Variants in CAPSL observed in about 807,000 individuals in gnomAD.
The protein encoded by CAPSL is calcyphosine like.
CAPSL carries 17 observed loss-of-function variants against 21.3 expected under a neutral mutation model. The observed-to-expected ratio is 0.80, with a 90% CI of 0.55 to 1.20. The LOEUF (loss-of-function observed/expected upper bound fraction) is 1.20. Ranked by LOEUF, CAPSL falls within the 50% of genes most tolerant of loss-of-function variation. The probability of loss-of-function intolerance (pLI) is 0.00; values close to 1 mark genes in which losing one functional copy is unlikely to be tolerated. For synonymous variants in CAPSL, 102 were observed against 89.3 expected, an observed-to-expected ratio of 1.14 and a Z score of -0.80; for missense variants, 289 against 259.3, an observed-to-expected ratio of 1.11 and a Z score of -0.79.
intron 4 of CAPSL, among the ~76,000 whole-genome samples, chr5:35,907,879 C>A (rs1760714262): frequency 6.6e-6 from 1 of 152,180 alleles, no homozygotes; most frequent in Non-Finnish European, 1.5e-5. Context: ...AATTATTCTT[C>A]TCATAAAAGA....
At chr5:35,906,905 T>C (rs764005374) in intron 4 of CAPSL, among the ~76,000 whole-genome samples, 32 of 152,206 alleles carry the variant, frequency 2.1e-4, no homozygotes, top group Non-Finnish European at 3.8e-4. Flanking sequence ...AGAGCTAATG[T>C]ATTTGATCAT....
chr5:35,912,310 C>G lies in CAPSL; in HGVS notation c.138-1767G>C, dbSNP rs569063590. On this transcript the variant is annotated intron_variant, in intron 2 of 4. Coordinates refer to ENST00000651391, the MANE Select transcript of CAPSL (RefSeq NM_001042625.2). ...CAGGGCATAGCCAAACAAAAGGCAGCAGAAACCTCTGCAGATTTAAATGTC... is the reference window on the plus strand; with the variant it reads ...CAGGGCATAGCCAAACAAAAGGCAGGAGAAACCTCTGCAGATTTAAATGTC... Among the ~76,000 whole-genome samples the G allele has an allele frequency of 5.6e-4, 86 of 152,336 alleles. 1 individual carries two copies. The highest frequency in any genetic ancestry group is 3.4e-3 in the Middle Eastern group (1 of 294).
At chr5:35,923,815 TG>T (rs1421272659) in intron 1 of CAPSL, among the ~76,000 whole-genome samples, 2 of 152,220 alleles carry the variant, frequency 1.3e-5, no homozygotes, top group Non-Finnish European at 2.9e-5. Flanking sequence ...AAAAATGTTT[TG>T]GAACTTGACA....
At chr5:35,919,632 T>G (rs896589949) in intron 2 of CAPSL, among the ~76,000 whole-genome samples, 3 of 152,144 alleles carry the variant, frequency 2.0e-5, no homozygotes, top group African/African-American at 7.2e-5. Flanking sequence ...GGGGTGTGTA[T>G]GACCTGGGAT....
At chr5:35,927,102 T>A (rs1211697921) in intron 1 of CAPSL, among the ~76,000 whole-genome samples, 1 of 152,142 alleles carries the variant, frequency 6.6e-6, no homozygotes, top group African/African-American at 2.4e-5. Flanking sequence ...CTGGCAGGGA[T>A]GTGCAGTCGC....
intron 1 of CAPSL, among the ~76,000 whole-genome samples, chr5:35,938,040 CTGA>C (rs1738998193): frequency 2.0e-5 from 3 of 152,072 alleles, no homozygotes; most frequent in Admixed American, 6.5e-5. Context: ...AATAAGCATC[CTGA>C]TTTTTATTCT....
intron 2 of CAPSL, among the ~76,000 whole-genome samples, chr5:35,918,739 T>C (rs1482471762): frequency 6.6e-6 from 1 of 152,108 alleles, no homozygotes; most frequent in East Asian, 1.9e-4. Flanking sequence ...TGAAGTGACA[T>C]TATCAAAATA....
At position 35,909,915 on chromosome 5, in the gene CAPSL, A is replaced by G. The variant is rs1403894666; in HGVS notation, c.476T>C (p.Phe159Ser). The change falls in exon 4 of 5, where the codon TTT becomes TCT. Residue 159 changes from phenylalanine to serine, a missense_variant. Coordinates refer to ENST00000651391, the MANE Select transcript of CAPSL (RefSeq NM_001042625.2). ...ATCAAAGTTATCCAGAAATTTCCTAAATACTTGTTCCTCACTCCATTCCCC... is the reference window on the plus strand; with the variant it reads ...ATCAAAGTTATCCAGAAATTTCCTAGATACTTGTTCCTCACTCCATTCCCC... The part of the protein sequence containing the change: ...QNGEWSEEQV[F>S]RKFLDNFDSP... The G allele has an allele frequency of 6.2e-7, 1 of 1,613,754 alleles. No homozygotes were observed. Among genetic ancestry groups the G allele is most frequent in the Non-Finnish European group, 8.5e-7 (1 of 1,179,884 alleles).
intron 2 of CAPSL, among the ~76,000 whole-genome samples, chr5:35,917,824 A>G: frequency 6.6e-6 from 1 of 152,184 alleles, no homozygotes; most frequent in East Asian, 1.9e-4. Flanking sequence ...TATGTAACAA[A>G]CCTGCGCGTT....
intron 4 of CAPSL, among the ~76,000 whole-genome samples, chr5:35,907,985 C>A (rs1760716967): frequency 6.6e-6 from 1 of 152,332 alleles, no homozygotes; most frequent in South Asian, 2.1e-4. Flanking sequence ...TTTTCAGAAA[C>A]ACTTTTATTA....
intron 2 of CAPSL, 25 bp from the exon 3 acceptor site, chr5:35,910,568 C>T: frequency 3.3e-6 from 5 of 1,525,654 alleles, no homozygotes; most frequent in African/African-American, 1.4e-5. Context: ...CACAAAAATT[C>T]AGAAGAAATG....
chr5:35,928,765 C>T (rs1738747585), intron 1 of CAPSL, among the ~76,000 whole-genome samples: 1 of 152,038 alleles, frequency 6.6e-6, no homozygotes, highest in East Asian at 1.9e-4. Context: ...CAAGATGGCC[C>T]CTGGCAACAA....
intron 1 of CAPSL, among the ~76,000 whole-genome samples, chr5:35,926,547 T>A (rs998123844): frequency 1.3e-5 from 2 of 152,136 alleles, no homozygotes; most frequent in Non-Finnish European, 2.9e-5. Context: ...TCTTCATGGT[T>A]CCCTCCGTAA....
At chr5:35,906,541 T>C (rs989070594) in intron 4 of CAPSL, among the ~76,000 whole-genome samples, 3 of 152,170 alleles carry the variant, frequency 2.0e-5, no homozygotes, top group Non-Finnish European at 4.4e-5. Context: ...TAGGCAACCA[T>C]CTTGAGATCA....
intron 1 of CAPSL, among the ~76,000 whole-genome samples, chr5:35,938,152 T>G (rs188233030): frequency 7.4e-4 from 113 of 152,364 alleles, no homozygotes; most frequent in Non-Finnish European, 1.2e-3. Flanking sequence ...GCTTTGTGAC[T>G]TGGAAATGCT....
chr5:35,909,952 T>G lies in CAPSL; in HGVS notation c.439A>C (p.Lys147Gln), dbSNP rs1738168439. 1.2e-6 allele frequency: 2 copies of G among 1,613,820 alleles called. No individual in the cohort carries two copies. The highest frequency in any genetic ancestry group is 2.7e-5 in the African/African-American group (2 of 74,928). The change falls in exon 4 of 5, where the codon AAG becomes CAG. Residue 147 changes from lysine to glutamine, a missense_variant. Coordinates refer to ENST00000651391, the MANE Select transcript of CAPSL (RefSeq NM_001042625.2). ...REVYNAKHHPKYQNGEWSEEQ... is the reference protein window; with the variant it reads ...REVYNAKHHPQYQNGEWSEEQ... The stretch of plus-strand genomic sequence containing the variant: ...TCACTCCATTCCCCATTCTGGTACT[T>G]TGGGTGGTGTTTTGCATTATATACT...
chr5:35,931,950 A>C (rs1738836654), intron 1 of CAPSL, among the ~76,000 whole-genome samples: 2 of 152,216 alleles, frequency 1.3e-5, no homozygotes, highest in African/African-American at 4.8e-5. Flanking sequence ...AAGTAAAGAC[A>C]CAGCTCTGGT....
At chr5:35,927,416 G>A (rs1219081979) in intron 1 of CAPSL, among the ~76,000 whole-genome samples, 1 of 152,200 alleles carries the variant, frequency 6.6e-6, no homozygotes, top group East Asian at 1.9e-4. Flanking sequence ...TTGCTATAAT[G>A]ATTCCATGTG....
intron 1 of CAPSL, among the ~76,000 whole-genome samples, chr5:35,928,149 G>A (rs1738731108): frequency 6.6e-6 from 1 of 152,178 alleles, no homozygotes; most frequent in Non-Finnish European, 1.5e-5. Context: ...CATGGCAGAA[G>A]AGATGGAAGG....
Sources: allele counts gnomAD v4.1 joint callset (sites outside exome capture counted in the v4.1 genomes callset), GRCh38; gene constraint gnomAD v4.1.1; transcripts MANE v1.5; gene names NCBI Gene and HGNC (gene_info 2026-07-23, HGNC 2026-07-21).